Variants in UNC80 observed in about 807,000 individuals in gnomAD.
The protein encoded by UNC80 is unc-80 subunit of NALCN channel complex.
In UNC80, 164 loss-of-function variants were observed where a neutral mutation model predicts 384.6. That is an observed-to-expected ratio of 0.43 (90% CI 0.38 to 0.49). UNC80 has a LOEUF of 0.49. Ranked by LOEUF, UNC80 falls within the 20% of genes least tolerant of loss-of-function variation. The pLI, the probability that UNC80 is intolerant of heterozygous loss-of-function variation, is 0.00. For missense variants in UNC80, 3,330 were observed against 4,143.0 expected (o/e 0.80, Z 5.39); for synonymous variants, 1,486 against 1,527.8 (o/e 0.97, Z 0.64).
At chr2:209,779,247 C>G (rs985642966) in intron 4 of UNC80, among the ~76,000 whole-genome samples, 3 of 152,180 alleles carry the variant, frequency 2.0e-5, no homozygotes, top group African/African-American at 7.2e-5. Flanking sequence ...TGGCCTTTCT[C>G]TCATTCACTA....
At chr2:209,963,670 GAA>G (rs201353602) in intron 51 of UNC80, among the ~76,000 whole-genome samples, 2,026 of 152,246 alleles carry the variant, frequency 0.013, 41 homozygotes, top group African/African-American at 0.046. Context: ...AAATTCATGA[GAA>G]AGAGATAAAC....
At chr2:209,875,277 C>T (rs1264983517) in intron 23 of UNC80, among the ~76,000 whole-genome samples, 1 of 152,208 alleles carries the variant, frequency 6.6e-6, no homozygotes, top group East Asian at 1.9e-4. Context: ...CAGTGGCCCT[C>T]CTTTTCCCTC....
At chr2:209,860,147 A>C (rs974931706) in intron 22 of UNC80, among the ~76,000 whole-genome samples, 1 of 151,936 alleles carries the variant, frequency 6.6e-6, no homozygotes, top group Non-Finnish European at 1.5e-5. Flanking sequence ...TTCTTCTAGG[A>C]TTTTTATGGT....
chr2:209,837,174 TAAATATCTGTAGA>T (rs145073089), intron 18 of UNC80, among the ~76,000 whole-genome samples: 7,802 of 152,262 alleles, frequency 0.051, 316 homozygotes, highest in East Asian at 0.23. Flanking sequence ...GATACCCATA[TAAATATCTGTAGA>T]AAATAATTGC....
intron 23 of UNC80, among the ~76,000 whole-genome samples, chr2:209,876,865 T>A (rs115371573): frequency 5.3e-5 from 8 of 152,322 alleles, no homozygotes; most frequent in African/African-American, 1.9e-4. Context: ...TAGGGAGACC[T>A]TTCGGTTTCC....
intron 61 of UNC80, among the ~76,000 whole-genome samples, chr2:209,986,010 C>T (rs1180043390): frequency 6.6e-6 from 1 of 152,098 alleles, no homozygotes; most frequent in East Asian, 1.9e-4. Flanking sequence ...CTTGCCTTGA[C>T]AGATCAGTCT....
At position 209,896,234 on chromosome 2, in the gene UNC80, C is replaced by T; in HGVS notation, c.4481-79C>T. 3.1e-6 allele frequency: 4 copies of T among 1,278,658 alleles called. No individual in the cohort carries two copies. The South Asian group carries it at 3.8e-5, about 12-fold the overall frequency. 79.2% of individuals were successfully genotyped at this position (1,278,658 alleles called of 1,614,324 possible). A position where few individuals can be genotyped will look rare whatever the true frequency, so the allele number is the denominator to read the frequency against. On this transcript the variant is annotated intron_variant, in intron 27 of 64. Coordinates refer to ENST00000673920, the MANE Select transcript of UNC80 (RefSeq NM_001371986.1). ...GGTAGTCTGCCCTAGGATTCAGAAGCATGGACAACTGTACCATACCAACAT... is the reference window on the plus strand; with the variant it reads ...GGTAGTCTGCCCTAGGATTCAGAAGTATGGACAACTGTACCATACCAACAT...
intron 20 of UNC80, among the ~76,000 whole-genome samples, chr2:209,841,780 A>G (rs1038650171): frequency 3.9e-5 from 6 of 152,346 alleles, no homozygotes; most frequent in African/African-American, 9.6e-5. Context: ...GCTAAAAAAC[A>G]TAAGTCATGT....
chr2:209,959,666 G>T lies in UNC80; in HGVS notation c.7764G>T (p.Arg2588=), dbSNP rs537702219. The change falls in exon 51 of 65, where the codon CGG becomes CGT. Residue 2588 remains arginine, a synonymous_variant. Coordinates refer to ENST00000673920, the MANE Select transcript of UNC80 (RefSeq NM_001371986.1). ...TGCAAAATCTGGCTGGGGAGCCTCG[G>T]GTCATTGCCTTGGAACTGCTGGATG... ...KILQNLAGEP[R]VIALELLDVK... is the part of the protein sequence containing the mutation. 14 of 1,551,672 alleles carry T rather than the reference G, an allele frequency of 9.0e-6. No individual in the cohort carries two copies. In the African/African-American group the frequency reaches 9.6e-5, roughly 11 times the overall value.
Position 209,843,972 on chromosome 2 carries a change from T to C in UNC80, c.3454+1526T>C, listed in dbSNP as rs575091040. Among the ~76,000 whole-genome samples, 5 of 152,296 alleles carry C rather than the reference T, an allele frequency of 3.3e-5. No homozygotes were observed. The South Asian group carries it at 8.3e-4, about 25-fold the overall frequency. On this transcript the variant is annotated intron_variant, in intron 21 of 64. Coordinates refer to ENST00000673920, the MANE Select transcript of UNC80 (RefSeq NM_001371986.1). Reference sequence around the variant, plus strand: ...CAGTGATTCCTATGATACTTCTCTTTTGAAAATGTTCCTATCTATTTAATT... The same window carrying C: ...CAGTGATTCCTATGATACTTCTCTTCTGAAAATGTTCCTATCTATTTAATT...
rs376430825 is a variant in UNC80 at position 209,978,723 on chromosome 2, A to G, written c.9118+15A>G. On this transcript the variant is annotated intron_variant, in intron 59 of 64. Coordinates refer to ENST00000673920, the MANE Select transcript of UNC80 (RefSeq NM_001371986.1). ...AGATGAGGAAAGTAGGTCATTCCAG[A>G]GAATCTGGGCAGTAGACATGGCCTG... 14 of 1,517,918 alleles carry G rather than the reference A, an allele frequency of 9.2e-6. No individual in the cohort carries two copies. In the Admixed American group the frequency reaches 2.8e-4, roughly 30 times the overall value. 94.0% of individuals were successfully genotyped at this position (1,517,918 alleles called of 1,614,324 possible).
At chr2:209,940,369 G>T (rs960467250) in intron 43 of UNC80, among the ~76,000 whole-genome samples, 2 of 152,166 alleles carry the variant, frequency 1.3e-5, no homozygotes, top group Non-Finnish European at 2.9e-5. Flanking sequence ...GAACTCTAAA[G>T]ATCTGTGCAT....
chr2:209,829,288 C>T lies in UNC80; in HGVS notation c.2535C>T (p.Thr845=). The T allele has an allele frequency of 1.3e-6, 2 of 1,551,440 alleles. No homozygotes were observed. The highest frequency in any genetic ancestry group is 8.7e-7 in the Non-Finnish European group (1 of 1,146,790). ...YKLDKMQFRQ[T]MRDYVNKDSL... is the part of the protein sequence containing the mutation. ...TAGATAAGATGCAGTTCCGACAAACCATGAGGGACTATGTGAACAAGGACT... is the reference window on the plus strand; with the variant it reads ...TAGATAAGATGCAGTTCCGACAAACTATGAGGGACTATGTGAACAAGGACT... The change falls in exon 15 of 65, where the codon ACC becomes ACT. Residue 845 remains threonine (T), a synonymous_variant. Coordinates refer to ENST00000673920, the MANE Select transcript of UNC80 (RefSeq NM_001371986.1).
chr2:209,873,063 TTGAG>T (rs2084441184), intron 23 of UNC80, 93 bp downstream of exon 23: 1 of 1,221,036 alleles, frequency 8.2e-7, no homozygotes, highest in South Asian at 1.4e-5. Flanking sequence ...AGACAATTTA[TTGAG>T]TGTTTGTTAT....
At chr2:209,774,047 A>G (rs2076730045) in intron 2 of UNC80, among the ~76,000 whole-genome samples, 2 of 152,244 alleles carry the variant, frequency 1.3e-5, no homozygotes, top group Admixed American at 1.3e-4. Flanking sequence ...TGCATATATT[A>G]TAACCTAAAA....
chr2:209,804,921 G>A (rs1200299269), intron 7 of UNC80, among the ~76,000 whole-genome samples: 4 of 152,016 alleles, frequency 2.6e-5, no homozygotes, highest in Admixed American at 2.6e-4. Context: ...GTCAACAAAT[G>A]ACTGTGCAAC....
intron 13 of UNC80, among the ~76,000 whole-genome samples, chr2:209,824,601 G>A (rs2080375334): frequency 6.6e-6 from 1 of 152,092 alleles, no homozygotes; most frequent in Non-Finnish European, 1.5e-5. Context: ...GCCTTCAGAG[G>A]CACTCATCTG....
intron 26 of UNC80, among the ~76,000 whole-genome samples, chr2:209,893,465 C>CT (rs1169363729): frequency 1.3e-5 from 2 of 152,148 alleles, no homozygotes; most frequent in East Asian, 3.9e-4. Flanking sequence ...TTCCAGAACA[C>CT]TAAAGATGAA....
chr2:209,933,338 A>G (rs1575064945), intron 38 of UNC80, among the ~76,000 whole-genome samples: 2 of 152,078 alleles, frequency 1.3e-5, no homozygotes, highest in East Asian at 3.9e-4. Context: ...CTCATGACAC[A>G]CATTTACCTA....
Sources: gnomAD v4.1 joint callset for allele counts (sites outside exome capture counted in the v4.1 genomes callset) on GRCh38, gnomAD v4.1.1 for gene constraint, MANE v1.5 for transcripts, NCBI Gene and HGNC (gene_info 2026-07-23, HGNC 2026-07-21) for gene names.